ZC3HAV1: variants seen among roughly 807,000 people sequenced by gnomAD.
ZC3HAV1 encodes zinc finger CCCH-type containing, antiviral 1.
A neutral mutation model predicts 86.6 loss-of-function variants in ZC3HAV1; 41 were observed. That is an observed-to-expected ratio of 0.47 (90% CI 0.37 to 0.61). The LOEUF is 0.61. Among genes scored for constraint, ZC3HAV1 ranks in the 20% least tolerant of loss-of-function variants. ZC3HAV1 has a pLI of 0.00. For synonymous variants in ZC3HAV1, 421 were observed against 432.1 expected (o/e 0.97, Z 0.32); for missense variants, 964 against 1,141.1 (o/e 0.84, Z 2.24).
chr7:139,063,435 G>C (rs541775348), intron 8 of ZC3HAV1, among the ~76,000 whole-genome samples: 2 of 151,878 alleles, frequency 1.3e-5, no homozygotes, highest in African/African-American at 2.4e-5. Flanking sequence ...TAAATTTGGG[G>C]TTCTGGCTGA....
intron 3 of ZC3HAV1, among the ~76,000 whole-genome samples, chr7:139,081,667 A>C (rs907074364): frequency 2.0e-5 from 3 of 152,238 alleles, no homozygotes; most frequent in African/African-American, 7.2e-5. Flanking sequence ...TGCTTGCAAT[A>C]AACATTGCTT....
At chr7:139,101,702 C>G (rs1817777865) in intron 1 of ZC3HAV1, among the ~76,000 whole-genome samples, 1 of 150,990 alleles carries the variant, frequency 6.6e-6, no homozygotes, top group Non-Finnish European at 1.5e-5. Context: ...TGATCTATGA[C>G]CTTACCCCCA....
In ZC3HAV1 at chr7:139,075,839, G is replaced by C. The variant is rs113590346; in HGVS notation, c.1697+447C>G. Among the ~76,000 whole-genome samples the C allele has an allele frequency of 8.7e-3, 1,318 of 152,314 alleles. 26 individuals carry two copies. The highest frequency in any genetic ancestry group is 0.03 in the African/African-American group (1,257 of 41,562). On this transcript the variant is annotated intron_variant, in intron 6 of 12. Transcript: ENST00000242351. Reference sequence around the variant, plus strand: ...CTAAAGTATACAACAAAATTCTACAGTAAAACTATATGAAATTATTCAAAC... The same window carrying C: ...CTAAAGTATACAACAAAATTCTACACTAAAACTATATGAAATTATTCAAAC...
intron 7 of ZC3HAV1, among the ~76,000 whole-genome samples, chr7:139,070,536 C>A (rs184322642): frequency 6.6e-6 from 1 of 151,140 alleles, no homozygotes; most frequent in African/African-American, 2.4e-5. Context: ...CGGTGGCGGG[C>A]GCCTGTAGTC....
chr7:139,076,586 G>C (rs751603149), intron 5 of ZC3HAV1, among the ~76,000 whole-genome samples, 177 bp from the exon 6 acceptor site: 16 of 152,030 alleles, frequency 1.1e-4, no homozygotes, highest in Non-Finnish European at 1.5e-4. Flanking sequence ...TTACCTTGGA[G>C]ACTCATCAGA....
In ZC3HAV1 at chr7:139,073,798, T is replaced by C. The variant is rs1027526708; in HGVS notation, c.1872+58A>G. The C allele has an allele frequency of 2.4e-5, 37 of 1,516,994 alleles. No individual in the cohort carries two copies. The South Asian group carries it at 4.3e-4, about 18-fold the overall frequency. 94.0% of individuals were successfully genotyped at this position (1,516,994 alleles called of 1,614,324 possible). On this transcript the variant is annotated intron_variant, in intron 7 of 12. Transcript: ENST00000242351. ...GAGCCACCGTGCCCAGCCAACAGTG[T>C]TCTTTTTAAGTTGACAAGTTTAAAC...
intron 3 of ZC3HAV1, among the ~76,000 whole-genome samples, chr7:139,082,830 G>A (rs1817163527): frequency 6.6e-6 from 1 of 152,022 alleles, no homozygotes; most frequent in African/African-American, 2.4e-5. Flanking sequence ...GGGAAAGAAG[G>A]GAATGGGAGT....
intron 5 of ZC3HAV1, among the ~76,000 whole-genome samples, chr7:139,078,270 C>T (rs1293007972): frequency 6.6e-6 from 1 of 152,024 alleles, no homozygotes; most frequent in African/African-American, 2.4e-5. Context: ...CAAACAAACA[C>T]ACACAAAAAG....
At position 139,055,759 on chromosome 7, in the gene ZC3HAV1, C is replaced by A. The variant is rs568803154; in HGVS notation, c.2097-464G>T. Among the ~76,000 whole-genome samples, 3 of 152,194 alleles carry A rather than the reference C, an allele frequency of 2.0e-5. No homozygotes were observed. In the South Asian group the frequency reaches 6.2e-4, roughly 32 times the overall value. On this transcript the variant is annotated intron_variant, in intron 9 of 12. Coordinates refer to ENST00000242351, the MANE Select transcript of ZC3HAV1 (RefSeq NM_020119.4). ...CTTTTTCTATCCCATAGAGCTAAAG[C>A]TACCAGAAAAATTCTTCTTTATAGA...
chr7:139,065,190 G>A (rs1202867940), intron 7 of ZC3HAV1, among the ~76,000 whole-genome samples, 191 bp from the exon 8 acceptor site: 1 of 152,180 alleles, frequency 6.6e-6, no homozygotes, highest in Admixed American at 6.5e-5. Flanking sequence ...ACCCTAGAGA[G>A]AGAAGTCTAT....
chr7:139,082,104 A>C (rs1817142675), intron 3 of ZC3HAV1, among the ~76,000 whole-genome samples: 1 of 152,130 alleles, frequency 6.6e-6, no homozygotes, highest in Admixed American at 6.5e-5. Flanking sequence ...GTCTCTACTA[A>C]AAATACAAAA....
rs1818016830 is a variant in ZC3HAV1, at chr7:139,108,888, G to A, written c.308+136C>T. 2 of 1,168,528 alleles carry A rather than the reference G, an allele frequency of 1.7e-6. No homozygotes were observed. The highest frequency in any genetic ancestry group is 2.4e-6 in the Non-Finnish European group (2 of 844,408). The allele number at this position is 1,168,528 out of a possible 1,614,324, so 72.4% of individuals were successfully genotyped here. On this transcript the variant is annotated intron_variant, in intron 1 of 12. Coordinates refer to ENST00000242351, the MANE Select transcript of ZC3HAV1 (RefSeq NM_020119.4). This position sits in a 1 kb window ranked among gnomAD's most constrained non-coding sequence, Gnocchi z 4.2. ...GCAGAGGCTCCCAGAGGGGAGCAGAGAAGGGAGTGGCTGGAGGCGGAGGCT... is the reference window on the plus strand; with the variant it reads ...GCAGAGGCTCCCAGAGGGGAGCAGAAAAGGGAGTGGCTGGAGGCGGAGGCT...
In ZC3HAV1 at chr7:139,097,030, G is replaced by A. The variant is rs1265859587; in HGVS notation, c.309-7271C>T. On this transcript the variant is annotated intron_variant, in intron 1 of 12. Transcript: ENST00000242351. ...CCCAGCTACTTCAGAGCTGAGGTGG[G>A]AGGATTGCTTGGTGGGAGGATTGCT... Among the ~76,000 whole-genome samples the A allele has an allele frequency of 5.9e-5, 9 of 151,910 alleles. No homozygotes were observed. The South Asian group carries it at 1.9e-3, about 32-fold the overall frequency.
At chr7:139,093,857 C>T (rs553015782) in intron 1 of ZC3HAV1, among the ~76,000 whole-genome samples, 6 of 152,286 alleles carry the variant, frequency 3.9e-5, no homozygotes, top group South Asian at 4.1e-4. Flanking sequence ...GCATGGGCCA[C>T]GATCAGAGCT....
At chr7:139,084,093 A>C in intron 2 of ZC3HAV1, 61 bp from the exon 3 acceptor site, 2 of 1,580,658 alleles carry the variant, frequency 1.3e-6, no homozygotes, top group Non-Finnish European at 8.6e-7. Flanking sequence ...CCAAACATTC[A>C]TTAAGGCAAG....
chr7:139,089,596 C>T, intron 2 of ZC3HAV1, 28 bp downstream of exon 2: 4 of 1,575,642 alleles, frequency 2.5e-6, no homozygotes, highest in African/African-American at 1.4e-5. Flanking sequence ...AATATTCTCC[C>T]TCCTTAAACT....
intron 8 of ZC3HAV1, among the ~76,000 whole-genome samples, chr7:139,064,116 T>C (rs571983603): frequency 9.9e-5 from 15 of 152,262 alleles, no homozygotes; most frequent in Non-Finnish European, 1.8e-4. Flanking sequence ...CTTGGTATAA[T>C]GGTCCTTGTA....
intron 7 of ZC3HAV1, among the ~76,000 whole-genome samples, chr7:139,072,834 T>C (rs1197550637): frequency 6.6e-6 from 1 of 152,158 alleles, no homozygotes; most frequent in Non-Finnish European, 1.5e-5. Context: ...CCATCATCCA[T>C]ACAGTCCTTT....
In ZC3HAV1 at chr7:139,089,436, A is replaced by G. The variant is rs535963252; in HGVS notation, c.444+188T>C. ...CAGTGGAAGAGGTATTCCAGACTCAAATTCTTATAAAACCTCAAATAGGAG... is the reference window on the plus strand; with the variant it reads ...CAGTGGAAGAGGTATTCCAGACTCAGATTCTTATAAAACCTCAAATAGGAG... On this transcript the variant is annotated intron_variant, in intron 2 of 12. Transcript: ENST00000242351. 2.6e-5 allele frequency among the ~76,000 whole-genome samples: 4 copies of G among 152,288 alleles called. No individual in the cohort carries two copies. In the East Asian group the frequency reaches 7.7e-4, roughly 29 times the overall value.
Sources: allele counts gnomAD v4.1 joint callset (sites outside exome capture counted in the v4.1 genomes callset), GRCh38; gene constraint gnomAD v4.1.1; non-coding constraint Gnocchi (gnomAD v3.1); transcripts MANE v1.5; gene names NCBI Gene and HGNC (gene_info 2026-07-23, HGNC 2026-07-21).